The following GRID2 variants were observed in gnomAD, a reference collection of about 807,000 sequenced individuals.
The protein encoded by GRID2 is glutamate receptor ionotropic, delta-2.
GRID2 carries 33 observed loss-of-function variants against 114.8 expected under a neutral mutation model. That is an observed-to-expected ratio of 0.29 (90% CI 0.22 to 0.38). The LOEUF is 0.38. GRID2 is among the 10% of genes least tolerant of loss of function. The pLI is 1.00. For synonymous variants in GRID2, 505 were observed against 449.9 expected (o/e 1.12, Z -1.55); for missense variants, 1,184 against 1,257.7 (o/e 0.94, Z 0.89).
At chr4:93,538,381 G>C (rs972658025) in intron 13 of GRID2, among the ~76,000 whole-genome samples, 1 of 151,708 alleles carries the variant, frequency 6.6e-6, no homozygotes, top group African/African-American at 2.4e-5. Context: ...CAAGTTCATA[G>C]TGATATGAAA....
At chr4:92,592,980 TCA>T in intron 2 of GRID2, among the ~76,000 whole-genome samples, 1 of 152,056 alleles carries the variant, frequency 6.6e-6, no homozygotes, top group Non-Finnish European at 1.5e-5. Context: ...CAACTTTCTC[TCA>T]CATGTTTACT....
chr4:93,759,835 G>A (rs1320760734), intron 14 of GRID2, among the ~76,000 whole-genome samples: 2 of 152,184 alleles, frequency 1.3e-5, no homozygotes. Flanking sequence ...TGTTAGCCAA[G>A]GGACTTGAGT....
intron 2 of GRID2, among the ~76,000 whole-genome samples, chr4:92,650,274 T>A (rs995276189): frequency 6.6e-6 from 1 of 151,820 alleles, no homozygotes; most frequent in African/African-American, 2.4e-5. Flanking sequence ...TACTACCCAT[T>A]TCATATTCCC....
At chr4:92,843,649 A>G (rs528432432) in intron 2 of GRID2, among the ~76,000 whole-genome samples, 1 of 152,298 alleles carries the variant, frequency 6.6e-6, no homozygotes, top group South Asian at 2.1e-4. Context: ...AAGATTCTGC[A>G]TCCAATGTAT....
intron 8 of GRID2, among the ~76,000 whole-genome samples, chr4:93,300,133 TG>T: frequency 6.6e-6 from 1 of 152,266 alleles, no homozygotes; most frequent in East Asian, 1.9e-4. Context: ...GTGTGTGTGA[TG>T]GGGTCTCCTT....
intron 13 of GRID2, among the ~76,000 whole-genome samples, chr4:93,578,581 T>C: frequency 6.9e-6 from 1 of 144,868 alleles, no homozygotes; most frequent in East Asian, 2.0e-4. Context: ...TTGTCTTGTT[T>C]TTTGTATTTT....
At chr4:92,683,401 A>G (rs1733748272) in intron 2 of GRID2, among the ~76,000 whole-genome samples, 1 of 152,234 alleles carries the variant, frequency 6.6e-6, no homozygotes, top group Non-Finnish European at 1.5e-5. Context: ...TTGCCTAGAC[A>G]GAAGTGCACA....
intron 14 of GRID2, among the ~76,000 whole-genome samples, chr4:93,719,233 T>C (rs1729155200): frequency 6.6e-6 from 1 of 152,094 alleles, no homozygotes; most frequent in Non-Finnish European, 1.5e-5. Context: ...GCTATCTATA[T>C]ATATTAAGTT....
chr4:92,422,402 T>C (rs1046215851), intron 1 of GRID2, among the ~76,000 whole-genome samples: 1 of 152,052 alleles, frequency 6.6e-6, no homozygotes, highest in African/African-American at 2.4e-5. Context: ...AAGTTTGAAT[T>C]TACATTTTAT....
chr4:92,414,406 A>G (rs79568267), intron 1 of GRID2, among the ~76,000 whole-genome samples: 2,922 of 152,322 alleles, frequency 0.019, 39 homozygotes, highest in Middle Eastern at 0.037. Context: ...AGGAGAATAC[A>G]TGGTGATATT....
intron 1 of GRID2, among the ~76,000 whole-genome samples, chr4:92,502,232 AT>A (rs1309344883): frequency 6.6e-6 from 1 of 152,128 alleles, no homozygotes; most frequent in African/African-American, 2.4e-5. Context: ...TATAAGTTCA[AT>A]TAATGTTAGA....
At chr4:93,566,154 A>G (rs1003466700) in intron 13 of GRID2, among the ~76,000 whole-genome samples, 1 of 152,196 alleles carries the variant, frequency 6.6e-6, no homozygotes, top group African/African-American at 2.4e-5. Flanking sequence ...GAGAATGGAA[A>G]AGCAAATTGT....
chr4:93,534,845 A>C (rs965824905), intron 13 of GRID2, among the ~76,000 whole-genome samples: 1 of 142,598 alleles, frequency 7.0e-6, no homozygotes, highest in African/African-American at 2.5e-5. Flanking sequence ...TCACATGGTT[A>C]CTTTTTTTTT....
intron 14 of GRID2, among the ~76,000 whole-genome samples, chr4:93,653,655 G>A (rs1324491284): frequency 6.6e-6 from 1 of 151,972 alleles, no homozygotes; most frequent in Non-Finnish European, 1.5e-5. Context: ...GTAGAGGAAG[G>A]AGTGGAAATG....
At chr4:92,586,229 A>T (rs1728433458) in intron 1 of GRID2, among the ~76,000 whole-genome samples, 1 of 151,936 alleles carries the variant, frequency 6.6e-6, no homozygotes, top group Non-Finnish European at 1.5e-5. Flanking sequence ...ATGTTTGGAG[A>T]CTTGTTGAGT....
intron 1 of GRID2, among the ~76,000 whole-genome samples, chr4:92,438,640 T>C (rs968977407): frequency 6.6e-6 from 1 of 151,934 alleles, no homozygotes; most frequent in Non-Finnish European, 1.5e-5. Flanking sequence ...CATGGGCACA[T>C]GTTCGTGCTG....
chr4:93,059,966 G>A (rs1005600183), intron 2 of GRID2, among the ~76,000 whole-genome samples: 2 of 151,688 alleles, frequency 1.3e-5, no homozygotes, highest in African/African-American at 2.4e-5. Flanking sequence ...TTTTTTACCT[G>A]AGTTCATTGT....
At chr4:92,451,336 C>T (rs1211367462) in intron 1 of GRID2, among the ~76,000 whole-genome samples, 13 of 152,086 alleles carry the variant, frequency 8.5e-5, no homozygotes, top group Non-Finnish European at 1.5e-5. Context: ...TGTCTAGAAT[C>T]ACGCTCAATT....
intron 8 of GRID2, among the ~76,000 whole-genome samples, chr4:93,376,173 G>A (rs953393213): frequency 6.6e-6 from 1 of 152,018 alleles, no homozygotes; most frequent in Admixed American, 6.6e-5. Context: ...TGGGGGTTAG[G>A]GCGTCAACAC....
Sources: gnomAD v4.1 joint callset for allele counts (sites outside exome capture counted in the v4.1 genomes callset) on GRCh38, gnomAD v4.1.1 for gene constraint, MANE v1.5 for transcripts, NCBI Gene and HGNC (gene_info 2026-07-23, HGNC 2026-07-21) for gene names.